Variants in ROR1 observed in about 807,000 individuals in gnomAD.
The protein encoded by ROR1 is ROR family WNT receptor 1, also known as inactive tyrosine-protein kinase transmembrane receptor ROR1.
ROR1 carries 19 observed loss-of-function variants against 78.8 expected under a neutral mutation model. The observed-to-expected ratio is 0.24, with a 90% CI of 0.17 to 0.35. The LOEUF (loss-of-function observed/expected upper bound fraction) is 0.35. ROR1 is among the 10% of genes least tolerant of loss of function. The pLI is 1.00. For synonymous variants in ROR1, 386 were observed against 433.6 expected (o/e 0.89, Z 1.36); for missense variants, 917 against 1,177.8 (o/e 0.78, Z 3.24).
chr1:64,082,640 TG>T (rs1474578897), intron 4 of ROR1, among the ~76,000 whole-genome samples: 4 of 152,214 alleles, frequency 2.6e-5, no homozygotes, highest in African/African-American at 9.7e-5. Context: ...CTCTCAGCCA[TG>T]ACTAAGCTTA....
intron 1 of ROR1, among the ~76,000 whole-genome samples, chr1:63,830,263 A>G (rs913148950): frequency 2.6e-5 from 4 of 152,200 alleles, no homozygotes; most frequent in African/African-American, 9.6e-5. Context: ...ACAATAGGGC[A>G]TAAGGTGGTG....
At chr1:63,971,261 CTTTCCTCAT>C (rs1373172672) in intron 1 of ROR1, among the ~76,000 whole-genome samples, 1 of 152,168 alleles carries the variant, frequency 6.6e-6, no homozygotes, top group Non-Finnish European at 1.5e-5. Flanking sequence ...TTAGGCCTCA[CTTTCCTCAT>C]TTATACAAGG....
rs991430732 is a variant in ROR1 at position 63,841,615 on chromosome 1, T to G, written c.91+67107T>G. On this transcript the variant is annotated intron_variant, in intron 1 of 8. Transcript: ENST00000371079. The stretch of plus-strand genomic sequence containing the variant: ...AAAGTACATACCCTGTATTTGAGAC[T>G]CTGATTTGAGAAAACCTGGATTAGC... Among the ~76,000 whole-genome samples the G allele has an allele frequency of 2.0e-5, 3 of 152,324 alleles. No individual in the cohort carries two copies. The East Asian group carries it at 5.8e-4, about 29-fold the overall frequency.
intron 2 of ROR1, among the ~76,000 whole-genome samples, 178 bp from the exon 3 acceptor site, chr1:64,049,513 G>A (rs1449393536): frequency 6.6e-6 from 1 of 152,040 alleles, no homozygotes; most frequent in Non-Finnish European, 1.5e-5. Context: ...CTCTATGGGT[G>A]GTTATTTAGC....
intron 1 of ROR1, among the ~76,000 whole-genome samples, chr1:63,885,580 G>A (rs954380559): frequency 6.6e-5 from 10 of 152,132 alleles, no homozygotes; most frequent in African/African-American, 1.2e-4. Flanking sequence ...GTGCAACAAC[G>A]AGGTTTCTCT....
chr1:64,080,945 T>C (rs941560702), intron 4 of ROR1, among the ~76,000 whole-genome samples: 5 of 152,234 alleles, frequency 3.3e-5, no homozygotes, highest in Non-Finnish European at 5.9e-5. Context: ...TAGGTTACTC[T>C]TATGACCCTC....
In ROR1 at chr1:63,774,722, G is replaced by A. The variant is rs1488673989; in HGVS notation, c.91+214G>A. ...TGCCCCGGAGCCCCGCGGCGGGCCG[G>A]GGCGCGCCCAGGGACTCGTTCCTCG... On this transcript the variant is annotated intron_variant, in intron 1 of 8. Coordinates refer to ENST00000371079, the MANE Select transcript of ROR1 (RefSeq NM_005012.4). The surrounding 1 kb of genome is among the most constrained non-coding windows in gnomAD (Gnocchi z 5.7). Among the ~76,000 whole-genome samples the A allele has an allele frequency of 6.6e-6, 1 of 151,542 alleles. No individual in the cohort carries two copies. Among genetic ancestry groups the A allele is most frequent in the Non-Finnish European group, 1.5e-5 (1 of 67,808 alleles).
intron 1 of ROR1, among the ~76,000 whole-genome samples, chr1:63,927,436 A>T (rs1645713990): frequency 6.7e-6 from 1 of 148,196 alleles, no homozygotes; most frequent in African/African-American, 2.5e-5. Flanking sequence ...GGATTTTTGC[A>T]TCAATGTTCA....
chr1:63,957,170 C>T (rs146598826), intron 1 of ROR1, among the ~76,000 whole-genome samples: 46 of 152,292 alleles, frequency 3.0e-4, no homozygotes, highest in African/African-American at 6.3e-4. Context: ...CTATCACCAT[C>T]GGCTCCTTCT....
In ROR1 at chr1:64,140,300, A is replaced by T; in HGVS notation, c.802A>T (p.Arg268Ter). The T allele has an allele frequency of 6.2e-7, 1 of 1,614,148 alleles. No individual in the cohort carries two copies. The highest frequency in any genetic ancestry group is 8.5e-7 in the Non-Finnish European group (1 of 1,180,014). ...GTGTCAAACAGAGTACATTTTTGCA[A>T]GATCAAATCCCATGATTCTGATGAG... ...VLCQTEYIFA[R>*]SNPMILMRLK... Residue 268 changes from arginine to a stop codon, truncating the protein, a stop_gained, in exon 6 of 9, where the codon AGA (arginine) becomes TGA (stop). Transcript: ENST00000371079. LOFTEE classifies it high-confidence loss of function.
At chr1:63,781,387 A>G (rs1279941307) in intron 1 of ROR1, among the ~76,000 whole-genome samples, 1 of 152,144 alleles carries the variant, frequency 6.6e-6, no homozygotes, top group Non-Finnish European at 1.5e-5. Flanking sequence ...CAGGAAGGTA[A>G]GTATCTCAGC....
chr1:64,069,345 G>A lies in ROR1; in HGVS notation c.482+18629G>A, dbSNP rs565927488. Among the ~76,000 whole-genome samples, 9 of 151,732 alleles carry A rather than the reference G, an allele frequency of 5.9e-5. No homozygotes were observed. The East Asian group carries it at 1.5e-3, about 26-fold the overall frequency. ...CTTTTTTCCATTACTTTTTTGTTTC[G>A]GAGAGACTTTCCTTGCCTCAAACAC... On this transcript the variant is annotated intron_variant, in intron 4 of 8. Transcript: ENST00000371079.
intron 1 of ROR1, among the ~76,000 whole-genome samples, chr1:63,985,220 C>T (rs545165025): frequency 6.4e-4 from 97 of 152,200 alleles, no homozygotes; most frequent in African/African-American, 2.1e-3. Context: ...AATCTGATAA[C>T]GAAGCTTGTG....
At chr1:64,032,068 C>T (rs980489016) in intron 2 of ROR1, among the ~76,000 whole-genome samples, 2 of 151,966 alleles carry the variant, frequency 1.3e-5, no homozygotes, top group South Asian at 2.1e-4. Context: ...TATGGCCGGG[C>T]GCGGTGGCTC....
intron 1 of ROR1, among the ~76,000 whole-genome samples, chr1:63,977,125 C>T (rs1034564364): frequency 4.6e-5 from 7 of 152,086 alleles, no homozygotes; most frequent in East Asian, 1.9e-4. Flanking sequence ...CTCACTATCA[C>T]GAGAACAGCA....
chr1:64,009,255 A>C, intron 1 of ROR1, 50 bp from the exon 2 acceptor site: 1 of 1,327,976 alleles, frequency 7.5e-7, no homozygotes, highest in Middle Eastern at 1.8e-4. Context: ...ATAAATTACT[A>C]TATTTAATAT....
chr1:63,948,633 G>A lies in ROR1; in HGVS notation c.92-60672G>A, dbSNP rs1281209964. 2.0e-5 allele frequency among the ~76,000 whole-genome samples: 3 copies of A among 152,084 alleles called. No homozygotes were observed. The East Asian group carries it at 5.8e-4, about 29-fold the overall frequency. On this transcript the variant is annotated intron_variant, in intron 1 of 8. Transcript: ENST00000371079. ...GTTTGTGTCCACTCTCTGCTGCCACGGATTCTTATATTGAAACCCTAACCC... is the reference window on the plus strand; with the variant it reads ...GTTTGTGTCCACTCTCTGCTGCCACAGATTCTTATATTGAAACCCTAACCC...
At chr1:63,893,609 A>T (rs549671930) in intron 1 of ROR1, among the ~76,000 whole-genome samples, 10 of 152,188 alleles carry the variant, frequency 6.6e-5, no homozygotes, top group Admixed American at 2.6e-4. Flanking sequence ...GCGTGGACAT[A>T]TGGACTCTTA....
At chr1:63,827,706 T>C (rs990248224) in intron 1 of ROR1, among the ~76,000 whole-genome samples, 8 of 152,182 alleles carry the variant, frequency 5.3e-5, no homozygotes, top group Non-Finnish European at 1.0e-4. Flanking sequence ...ATGAAAATAG[T>C]AAGTTTTCAC....
Sources: allele counts gnomAD v4.1 joint callset (sites outside exome capture counted in the v4.1 genomes callset), GRCh38; gene constraint gnomAD v4.1.1; non-coding constraint Gnocchi (gnomAD v3.1); transcripts MANE v1.5; gene names NCBI Gene and HGNC (gene_info 2026-07-23, HGNC 2026-07-21).